Variants in IL15 observed in about 807,000 individuals in gnomAD.
The protein encoded by IL15 is interleukin 15.
Under a neutral mutation model 19.6 loss-of-function variants are expected in IL15, and 11 were observed. The observed-to-expected ratio is 0.56, with a 90% CI of 0.35 to 0.93. IL15 has a LOEUF of 0.93. IL15 is among the 40% of genes least tolerant of loss of function. The pLI is 0.01. For missense variants in IL15, 197 were observed against 186.5 expected, an observed-to-expected ratio of 1.06 and a Z score of -0.33; for synonymous variants, 58 against 59.6, an observed-to-expected ratio of 0.97 and a Z score of 0.12.
intron 2 of IL15, among the ~76,000 whole-genome samples, chr4:141,679,614 T>C (rs914817778): frequency 6.6e-6 from 1 of 152,226 alleles, no homozygotes. Flanking sequence ...TGCATGATTG[T>C]GCTTACTTTA....
At chr4:141,691,134 T>C (rs370616315) in intron 2 of IL15, among the ~76,000 whole-genome samples, 55 of 152,382 alleles carry the variant, frequency 3.6e-4, no homozygotes, top group African/African-American at 1.2e-3. Flanking sequence ...CTTCACAAAG[T>C]GGCAGGAGCG....
intron 2 of IL15, among the ~76,000 whole-genome samples, chr4:141,706,404 T>G (rs1295216591): frequency 6.6e-6 from 1 of 152,122 alleles, no homozygotes; most frequent in East Asian, 1.9e-4. Flanking sequence ...GCTGTTGTAA[T>G]TTTTGACCGT....
chr4:141,710,536 T>A (rs1729683012), intron 2 of IL15, among the ~76,000 whole-genome samples: 1 of 152,212 alleles, frequency 6.6e-6, no homozygotes. Flanking sequence ...CTAATGTTAG[T>A]ATCCATCTCT....
intron 1 of IL15, among the ~76,000 whole-genome samples, chr4:141,640,812 T>C (rs1578980744): frequency 6.6e-6 from 1 of 152,234 alleles, no homozygotes; most frequent in Non-Finnish European, 1.5e-5. Context: ...GTTTCTTCTC[T>C]AAATGCTAAT....
chr4:141,673,161 G>A (rs1028846027), intron 2 of IL15, among the ~76,000 whole-genome samples: 3 of 152,138 alleles, frequency 2.0e-5, no homozygotes, highest in Non-Finnish European at 4.4e-5. Context: ...TTAATTTGGG[G>A]TAGAATGTAA....
intron 6 of IL15, among the ~76,000 whole-genome samples, chr4:141,729,007 T>C (rs1730362271): frequency 6.6e-6 from 1 of 152,162 alleles, no homozygotes; most frequent in African/African-American, 2.4e-5. Flanking sequence ...TGTGTTACCT[T>C]GGAGATTGCT....
intron 1 of IL15, among the ~76,000 whole-genome samples, chr4:141,643,216 T>G (rs1348094417): frequency 6.6e-6 from 1 of 152,186 alleles, no homozygotes; most frequent in Non-Finnish European, 1.5e-5. Flanking sequence ...TCACCATTTT[T>G]TTCTCTGTCT....
chr4:141,669,076 A>G (rs886175313), intron 2 of IL15, among the ~76,000 whole-genome samples: 1 of 152,232 alleles, frequency 6.6e-6, no homozygotes, highest in Non-Finnish European at 1.5e-5. Flanking sequence ...TTATGATGAT[A>G]ATTTAAATGT....
At chr4:141,655,919 A>G (rs145720017) in intron 1 of IL15, among the ~76,000 whole-genome samples, 6 of 152,332 alleles carry the variant, frequency 3.9e-5, no homozygotes, top group African/African-American at 1.4e-4. Flanking sequence ...GAAGCATTAT[A>G]GGTTTTAAAA....
chr4:141,642,028 A>T (rs1408398626), intron 1 of IL15, among the ~76,000 whole-genome samples: 2 of 152,002 alleles, frequency 1.3e-5, no homozygotes, highest in Admixed American at 6.6e-5. Flanking sequence ...TAATAATAAT[A>T]AATAATAACG....
intron 2 of IL15, among the ~76,000 whole-genome samples, chr4:141,699,502 G>T (rs1165953694): frequency 6.6e-6 from 1 of 151,988 alleles, no homozygotes; most frequent in East Asian, 1.9e-4. Flanking sequence ...TTATAAATTT[G>T]GGAGCTCCAT....
chr4:141,710,074 G>C (rs988412905), intron 2 of IL15, among the ~76,000 whole-genome samples: 1 of 152,168 alleles, frequency 6.6e-6, no homozygotes, highest in East Asian at 1.9e-4. Context: ...CTGCTGCAAA[G>C]GATATGATTT....
intron 5 of IL15, 144 bp downstream of exon 5, chr4:141,722,152 G>T (rs1730110532): frequency 8.7e-7 from 1 of 1,154,602 alleles, no homozygotes; most frequent in South Asian, 2.9e-5. Context: ...AGCTCAAAAA[G>T]AAGTCTTTTC....
intron 4 of IL15, chr4:141,720,793 A>C (rs937485858): frequency 1.8e-5 from 10 of 560,220 alleles, no homozygotes; most frequent in Non-Finnish European, 3.1e-5. Flanking sequence ...ATAGCCCTCA[A>C]ATAAATTGGG....
At chr4:141,642,699 T>G (rs1019238514) in intron 1 of IL15, among the ~76,000 whole-genome samples, 11 of 152,222 alleles carry the variant, frequency 7.2e-5, no homozygotes, top group African/African-American at 2.7e-4. Context: ...TCAGCCTTCA[T>G]GGGTCCTGCT....
chr4:141,719,666 T>C (rs1269797246), intron 3 of IL15, among the ~76,000 whole-genome samples, 190 bp downstream of exon 3: 1 of 152,190 alleles, frequency 6.6e-6, no homozygotes, highest in African/African-American at 2.4e-5. Flanking sequence ...ACCATCTTGA[T>C]AGGCTCTTCT....
chr4:141,693,051 C>T (rs1370404059), intron 2 of IL15, among the ~76,000 whole-genome samples: 2 of 64,530 alleles, frequency 3.1e-5, no homozygotes, highest in Non-Finnish European at 6.1e-5. Flanking sequence ...AAGATACTAC[C>T]TGTGGCTGGG....
At chr4:141,644,473 A>G (rs1170620632) in intron 1 of IL15, among the ~76,000 whole-genome samples, 1 of 152,204 alleles carries the variant, frequency 6.6e-6, no homozygotes, top group Non-Finnish European at 1.5e-5. Context: ...TGGAAAGCTC[A>G]TGGCTGGCCA....
chr4:141,652,078 A>G (rs1727425631), intron 1 of IL15, among the ~76,000 whole-genome samples: 1 of 152,178 alleles, frequency 6.6e-6, no homozygotes, highest in Non-Finnish European at 1.5e-5. Context: ...TCCTTAGACA[A>G]AAGCTGAAAG....
Sources: allele counts gnomAD v4.1 joint callset (sites outside exome capture counted in the v4.1 genomes callset), GRCh38; gene constraint gnomAD v4.1.1; transcripts MANE v1.5; gene names NCBI Gene and HGNC (gene_info 2026-07-23, HGNC 2026-07-21).